The following MBNL2 variants were observed in gnomAD, a reference collection of about 807,000 sequenced individuals.
MBNL2 encodes the protein muscleblind like splicing regulator 2, also known as muscleblind-like protein 2.
A neutral mutation model predicts 41.9 loss-of-function variants in MBNL2; 17 were observed. The observed-to-expected ratio is 0.41, with a 90% CI of 0.28 to 0.61. The LOEUF (loss-of-function observed/expected upper bound fraction) is 0.61. MBNL2 is among the 20% of genes least tolerant of loss of function. The pLI is 0.35. For missense variants in MBNL2, 336 were observed against 505.6 expected, an observed-to-expected ratio of 0.66 and a Z score of 3.22; for synonymous variants, 195 against 182.9, an observed-to-expected ratio of 1.07 and a Z score of -0.53.
chr13:97,216,992 C>T (rs556876308), upstream of MBNL2, among the ~76,000 whole-genome samples: 156 of 147,174 alleles, frequency 1.1e-3, no homozygotes, highest in African/African-American at 3.2e-3. Context: ...ATAATATATA[C>T]GTAATACATA....
chr13:97,267,938 A>G (rs1378346063), intron 1 of MBNL2, among the ~76,000 whole-genome samples: 1 of 152,218 alleles, frequency 6.6e-6, no homozygotes, highest in Non-Finnish European at 1.5e-5. Context: ...TGCTTCCGAC[A>G]GGGGTTTTCA....
At chr13:97,272,559 G>T (rs972929658) in intron 1 of MBNL2, among the ~76,000 whole-genome samples, 2 of 152,084 alleles carry the variant, frequency 1.3e-5, no homozygotes, top group Non-Finnish European at 2.9e-5. Context: ...TTTTCTTCTA[G>T]GGTTTTTTAT....
intron 8 of MBNL2, among the ~76,000 whole-genome samples, chr13:97,365,976 A>T (rs978505315): frequency 6.6e-6 from 1 of 152,196 alleles, no homozygotes; most frequent in African/African-American, 2.4e-5. Context: ...ATTGAAAAAA[A>T]AAATTCAATT....
rs574669331 is a variant in MBNL2, at chr13:97,393,858, A to G, written c.*2409A>G. The G allele has an allele frequency of 3.3e-5, 5 of 152,704 alleles. No homozygotes were observed. Among genetic ancestry groups the G allele is most frequent in the Non-Finnish European group, 7.4e-5 (5 of 68,004 alleles). 9.5% of individuals were successfully genotyped at this position (152,704 alleles called of 1,614,324 possible). ...TATCAGTTCAACAAATACTGTAGTT[A>G]AGAGACTAACTCTCCACTTGTATGG... On this transcript the variant is annotated 3_prime_UTR_variant, in exon 9 of 9. Coordinates refer to ENST00000679496, the MANE Select transcript of MBNL2 (RefSeq NM_001382683.1).
chr13:97,390,921 T>C (rs944165485), intron 8 of MBNL2, among the ~76,000 whole-genome samples: 1 of 152,158 alleles, frequency 6.6e-6, no homozygotes, highest in African/African-American at 2.4e-5. Context: ...TACAAATGAC[T>C]TTTCAGTACA....
chr13:97,361,857 C>T (rs1167865138), intron 7 of MBNL2, among the ~76,000 whole-genome samples: 9 of 149,746 alleles, frequency 6.0e-5, no homozygotes, highest in Non-Finnish European at 1.0e-4. Flanking sequence ...GCAACCTCCG[C>T]CTCCCGGGTT....
In MBNL2 at chr13:97,334,039, C is replaced by T. The variant is rs2060662612; in HGVS notation, c.175-237C>T. ...GAGAGGGAGGGAGGGAGGGAAAAAT[C>T]CTCAGGAAGCTTCTCTACTTAACAT... On this transcript the variant is annotated intron_variant, in intron 2 of 8. Coordinates refer to ENST00000679496, the MANE Select transcript of MBNL2 (RefSeq NM_001382683.1). This position sits in a 1 kb window ranked among gnomAD's most constrained non-coding sequence, Gnocchi z 5.3. 1.3e-5 allele frequency among the ~76,000 whole-genome samples: 2 copies of T among 151,092 alleles called. No homozygotes were observed. The highest frequency in any genetic ancestry group is 1.3e-4 in the Admixed American group (2 of 15,154).
At chr13:97,293,267 C>G (rs1021621833) in intron 2 of MBNL2, among the ~76,000 whole-genome samples, 5 of 152,008 alleles carry the variant, frequency 3.3e-5, no homozygotes, top group South Asian at 2.1e-4. Flanking sequence ...TTGTTATTTT[C>G]TAGTTTGCTT....
At chr13:97,184,182 C>CT in the MBNL2 span, among the ~76,000 whole-genome samples, 8 of 152,152 alleles carry the variant, frequency 5.3e-5, no homozygotes, top group Admixed American at 5.2e-4. Context: ...CTACCAGGCA[C>CT]TGTTTCTCTA....
At chr13:97,247,217 G>A (rs2045645916) in intron 1 of MBNL2, among the ~76,000 whole-genome samples, 1 of 152,112 alleles carries the variant, frequency 6.6e-6, no homozygotes, top group African/African-American at 2.4e-5. Context: ...TGTCTAGTAT[G>A]TTTCTTTACA....
rs1278462849 is a variant in MBNL2 at position 97,391,964 on chromosome 13, G to A, written c.*515G>A. 6.5e-6 allele frequency: 1 copy of A among 153,130 alleles called. No homozygotes were observed. Among genetic ancestry groups the A allele is most frequent in the Admixed American group, 6.6e-5 (1 of 15,260 alleles). The allele number at this position is 153,130 out of a possible 1,614,324, so 9.5% of individuals were successfully genotyped here. On this transcript the variant is annotated 3_prime_UTR_variant, in exon 9 of 9. Coordinates refer to ENST00000679496, the MANE Select transcript of MBNL2 (RefSeq NM_001382683.1). Reference sequence around the variant, plus strand: ...TACTGGGGACACATCAAAGTGTGGTGTTTGGTTTGCCTGGAGATGCCACGT... The same window carrying A: ...TACTGGGGACACATCAAAGTGTGGTATTTGGTTTGCCTGGAGATGCCACGT...
intron 2 of MBNL2, among the ~76,000 whole-genome samples, chr13:97,317,345 G>C (rs2059144365): frequency 6.6e-6 from 1 of 152,154 alleles, no homozygotes; most frequent in Non-Finnish European, 1.5e-5. Flanking sequence ...GCTCAGAACT[G>C]CGTACCCTCC....
At chr13:97,195,304 C>T in the MBNL2 span, among the ~76,000 whole-genome samples, 1 of 152,086 alleles carries the variant, frequency 6.6e-6, no homozygotes, top group Non-Finnish European at 1.5e-5. Flanking sequence ...CCAAGGGTGC[C>T]AACTCATACC....
chr13:97,276,452 A>T, intron 2 of MBNL2, 43 bp downstream of exon 2: 1 of 1,540,062 alleles, frequency 6.5e-7, no homozygotes, highest in Non-Finnish European at 8.9e-7. Context: ...ACCACATTGG[A>T]ATTGCAAACA....
chr13:97,331,174 A>G (rs1422123423), intron 2 of MBNL2, among the ~76,000 whole-genome samples: 1 of 152,238 alleles, frequency 6.6e-6, no homozygotes, highest in East Asian at 1.9e-4. Context: ...TTCTTTTGAT[A>G]ATAACATTTA....
At chr13:97,318,347 G>A (rs2059225947) in intron 2 of MBNL2, among the ~76,000 whole-genome samples, 1 of 152,138 alleles carries the variant, frequency 6.6e-6, no homozygotes, top group Non-Finnish European at 1.5e-5. Flanking sequence ...TCAAATCCTG[G>A]TTCTGTATCT....
chr13:97,319,631 T>C (rs1159909195), intron 2 of MBNL2, among the ~76,000 whole-genome samples: 1 of 152,178 alleles, frequency 6.6e-6, no homozygotes, highest in African/African-American at 2.4e-5. Context: ...CCATTTTCTT[T>C]GACTTCCATC....
At chr13:97,187,735 G>A in the MBNL2 span, among the ~76,000 whole-genome samples, 2 of 150,794 alleles carry the variant, frequency 1.3e-5, no homozygotes, top group East Asian at 2.0e-4. Context: ...CTGAAACCCC[G>A]TCTCTACTAA....
chr13:97,226,107 G>C (rs1231816047), intron 1 of MBNL2, among the ~76,000 whole-genome samples: 1 of 152,122 alleles, frequency 6.6e-6, no homozygotes, highest in Non-Finnish European at 1.5e-5. Context: ...GTGCTGCGTG[G>C]CTGGGTCTGC....
Sources: allele counts gnomAD v4.1 joint callset (sites outside exome capture counted in the v4.1 genomes callset), GRCh38; gene constraint gnomAD v4.1.1; non-coding constraint Gnocchi (gnomAD v3.1); transcripts MANE v1.5; gene names NCBI Gene and HGNC (gene_info 2026-07-23, HGNC 2026-07-21).